The following KCNQ1 variants were observed in gnomAD, a reference collection of about 807,000 sequenced individuals.
The protein encoded by KCNQ1 is potassium voltage-gated channel subfamily KQT member 1.
In KCNQ1, 49 loss-of-function variants were observed where a neutral mutation model predicts 72.4. The ratio of observed to expected loss-of-function variants is 0.68; its 90% confidence interval spans 0.54 to 0.86. The LOEUF (loss-of-function observed/expected upper bound fraction) is 0.86. KCNQ1 is among the 40% of genes least tolerant of loss of function. KCNQ1 has a pLI of 0.00. For synonymous variants in KCNQ1, 450 were observed against 412.6 expected, an observed-to-expected ratio of 1.09 and a Z score of -1.10; for missense variants, 790 against 945.1, an observed-to-expected ratio of 0.84 and a Z score of 2.15.
chr11:2,533,724 C>T (rs1260842579), intron 2 of KCNQ1, among the ~76,000 whole-genome samples: 3 of 152,250 alleles, frequency 2.0e-5, no homozygotes, highest in African/African-American at 7.2e-5. Flanking sequence ...AAGCCAGCTG[C>T]TGCTAGAAAC....
chr11:2,811,564 G>A (rs1847486031), intron 15 of KCNQ1, among the ~76,000 whole-genome samples: 1 of 152,244 alleles, frequency 6.6e-6, no homozygotes, highest in African/African-American at 2.4e-5. Context: ...ACAAGCCCAG[G>A]CGGGGCCCTT....
At chr11:2,517,586 G>C (rs993742365) in intron 1 of KCNQ1, among the ~76,000 whole-genome samples, 14 of 152,200 alleles carry the variant, frequency 9.2e-5, no homozygotes, top group Non-Finnish European at 1.3e-4. Context: ...ATGTGGCGTG[G>C]CAACCAGGTG....
rs1846291111 is a variant in KCNQ1, at chr11:2,462,344, C to T, written c.386+16860C>T. ...TAGGGCCACCCCCTCTGACTTGCCT[C>T]CTCCTCCTTCTGACTTGCCTCCTCT... On this transcript the variant is annotated intron_variant, in intron 1 of 15. Coordinates refer to ENST00000155840, the MANE Select transcript of KCNQ1 (RefSeq NM_000218.3). This position sits in a 1 kb window ranked among gnomAD's most constrained non-coding sequence, Gnocchi z 8.2. Among the ~76,000 whole-genome samples the T allele has an allele frequency of 6.6e-6, 1 of 152,070 alleles. No homozygotes were observed. Among genetic ancestry groups the T allele is most frequent in the Non-Finnish European group, 1.5e-5 (1 of 67,914 alleles).
At position 2,478,101 on chromosome 11, in the gene KCNQ1, T is replaced by C. The variant is rs1846598909; in HGVS notation, c.386+32617T>C. Among the ~76,000 whole-genome samples the C allele has an allele frequency of 6.6e-6, 1 of 152,098 alleles. No homozygotes were observed. The highest frequency in any genetic ancestry group is 1.5e-5 in the Non-Finnish European group (1 of 68,028). Reference sequence around the variant, plus strand: ...CAGGCCAGCTTCACCACCCTCCGGATGGACAGCCTCGGTAGCAGAACTCCT... The same window carrying C: ...CAGGCCAGCTTCACCACCCTCCGGACGGACAGCCTCGGTAGCAGAACTCCT... On this transcript the variant is annotated intron_variant, in intron 1 of 15. Transcript: ENST00000155840. The surrounding 1 kb of genome is among the most constrained non-coding windows in gnomAD (Gnocchi z 4.0).
At position 2,534,167 on chromosome 11, in the gene KCNQ1, C is replaced by G. The variant is rs150501943; in HGVS notation, c.477+6149C>G. On this transcript the variant is annotated intron_variant, in intron 2 of 15. Coordinates refer to ENST00000155840, the MANE Select transcript of KCNQ1 (RefSeq NM_000218.3). ...CAAAGTGAGACCCTGTAGGGAGTCT[C>G]TGGGCCTCCGTGACGGCCCTGGGCG... Among the ~76,000 whole-genome samples, 984 of 152,310 alleles carry G rather than the reference C, an allele frequency of 6.5e-3. 32 individuals are homozygous for G. The highest frequency in any genetic ancestry group is 0.043 in the Admixed American group (654 of 15,310).
chr11:2,834,674 G>A (rs546111500), intron 15 of KCNQ1, among the ~76,000 whole-genome samples: 2 of 152,272 alleles, frequency 1.3e-5, no homozygotes, highest in South Asian at 2.1e-4. Flanking sequence ...TCAGGGCCCC[G>A]CCAGGTGAAG....
chr11:2,616,850 G>T (rs1849073610), intron 10 of KCNQ1: 2 of 398,258 alleles, frequency 5.0e-6, no homozygotes, highest in East Asian at 7.1e-5. Context: ...TGAGAAGAAT[G>T]TGTAGTTGGG....
intron 1 of KCNQ1, among the ~76,000 whole-genome samples, chr11:2,499,482 G>A (rs1846973226): frequency 6.6e-6 from 1 of 151,562 alleles, no homozygotes; most frequent in African/African-American, 2.4e-5. Flanking sequence ...ATGTAAATGG[G>A]CTAACCTTGC....
At position 2,656,319 on chromosome 11, in the gene KCNQ1, C is replaced by T; in HGVS notation, c.1394-5642C>T. 5 of 398,680 alleles carry T rather than the reference C, an allele frequency of 1.3e-5. No individual in the cohort carries two copies. In the Admixed American group the frequency reaches 1.8e-4, roughly 14 times the overall value. 24.7% of individuals were successfully genotyped at this position (398,680 alleles called of 1,614,324 possible). On this transcript the variant is annotated intron_variant, in intron 10 of 15. Transcript: ENST00000155840. Reference sequence around the variant, plus strand: ...GGCAGTAACATGCTTCTGCCAGGTCCCAGACCTGTGGGTCTCCAAATCTGC... The same window carrying T: ...GGCAGTAACATGCTTCTGCCAGGTCTCAGACCTGTGGGTCTCCAAATCTGC...
At position 2,595,317 on chromosome 11, in the gene KCNQ1, C is replaced by A. The variant is rs1398979369; in HGVS notation, c.1393+6463C>A. Among the ~76,000 whole-genome samples, 2 of 152,118 alleles carry A rather than the reference C, an allele frequency of 1.3e-5. No individual in the cohort carries two copies. On this transcript the variant is annotated intron_variant, in intron 10 of 15. Coordinates refer to ENST00000155840, the MANE Select transcript of KCNQ1 (RefSeq NM_000218.3). The surrounding 1 kb of genome is among the most constrained non-coding windows in gnomAD (Gnocchi z 5.0). ...CAAGATTAATATGCAAAAATCAATT[C>A]CATTCATATATTCTTGCAGCAAATA...
Position 2,677,684 on chromosome 11 carries a change from T to C in KCNQ1, c.1514+15603T>C, listed in dbSNP as rs1344405265. 1 of 398,524 alleles carries C rather than the reference T, an allele frequency of 2.5e-6. No homozygotes were observed. Among genetic ancestry groups the C allele is most frequent in the African/African-American group, 2.1e-5 (1 of 48,650 alleles). The allele number at this position is 398,524 out of a possible 1,614,324, so 24.7% of individuals were successfully genotyped here. On this transcript the variant is annotated intron_variant, in intron 11 of 15. Coordinates refer to ENST00000155840, the MANE Select transcript of KCNQ1 (RefSeq NM_000218.3). The surrounding 1 kb of genome is among the most constrained non-coding windows in gnomAD (Gnocchi z 4.5). ...TGAGATAAAATAATATTTTAACTACTGTTATTTTTCAAATTAACTTCCCAA... is the reference window on the plus strand; with the variant it reads ...TGAGATAAAATAATATTTTAACTACCGTTATTTTTCAAATTAACTTCCCAA...
intron 10 of KCNQ1, among the ~76,000 whole-genome samples, chr11:2,590,752 C>T (rs1024381): frequency 0.18 from 27,412 of 152,208 alleles, 3,186 homozygotes; most frequent in African/African-American, 0.3. Flanking sequence ...AGGGCCTGCT[C>T]CCCACTCTCT....
intron 1 of KCNQ1, among the ~76,000 whole-genome samples, chr11:2,527,076 A>G (rs1286288177): frequency 1.3e-5 from 2 of 152,116 alleles, no homozygotes; most frequent in African/African-American, 4.8e-5. Context: ...GCAGCTCCCT[A>G]TCTTTATGGT....
At chr11:2,800,114 C>G (rs912741513) in intron 15 of KCNQ1, among the ~76,000 whole-genome samples, 4 of 152,214 alleles carry the variant, frequency 2.6e-5, no homozygotes, top group Admixed American at 6.5e-5. Flanking sequence ...GTCCACAGTT[C>G]CCAGGGCTCT....
At chr11:2,681,855 A>G in intron 11 of KCNQ1, 1 of 398,572 alleles carries the variant, frequency 2.5e-6, no homozygotes, top group Non-Finnish European at 4.4e-6. Flanking sequence ...AAGGTACTCC[A>G]AAGGAGGCCC....
intron 1 of KCNQ1, among the ~76,000 whole-genome samples, chr11:2,480,748 T>C (rs182641918): frequency 6.6e-6 from 1 of 152,320 alleles, no homozygotes; most frequent in Non-Finnish European, 1.5e-5. Context: ...TAGAGACCTG[T>C]AGTGTGCATG....
chr11:2,583,995 T>G (rs1310093446), intron 7 of KCNQ1, among the ~76,000 whole-genome samples: 2 of 152,176 alleles, frequency 1.3e-5, no homozygotes, highest in Non-Finnish European at 2.9e-5. Context: ...GGTGTGTGTG[T>G]GTGTGTTATG....
rs886626658 is a variant in KCNQ1 at position 2,588,153 on chromosome 11, G to C, written c.1251+461G>C. Among the ~76,000 whole-genome samples, 1 of 152,102 alleles carries C rather than the reference G, an allele frequency of 6.6e-6. No individual in the cohort carries two copies. Among genetic ancestry groups the C allele is most frequent in the African/African-American group, 2.4e-5 (1 of 41,394 alleles). ...AGTGGAGTTTGGCAGGCGCTGGGCA[G>C]AAGTCTTGTGACATGGCTGGGGTCA... On this transcript the variant is annotated intron_variant, in intron 9 of 15. Coordinates refer to ENST00000155840, the MANE Select transcript of KCNQ1 (RefSeq NM_000218.3). The surrounding 1 kb of genome is among the most constrained non-coding windows in gnomAD (Gnocchi z 5.6).
At position 2,457,031 on chromosome 11, in the gene KCNQ1, G is replaced by A. The variant is rs962148183; in HGVS notation, c.386+11547G>A. On this transcript the variant is annotated intron_variant, in intron 1 of 15. Coordinates refer to ENST00000155840, the MANE Select transcript of KCNQ1 (RefSeq NM_000218.3). The surrounding 1 kb of genome is among the most constrained non-coding windows in gnomAD (Gnocchi z 5.0). ...TTCTTAAAAAGAAGACATACAAACAGTCAAACACATGAAAAAATGCTCATC... is the reference window on the plus strand; with the variant it reads ...TTCTTAAAAAGAAGACATACAAACAATCAAACACATGAAAAAATGCTCATC... Among the ~76,000 whole-genome samples, 1 of 151,444 alleles carries A rather than the reference G, an allele frequency of 6.6e-6. No individual in the cohort carries two copies. The highest frequency in any genetic ancestry group is 2.4e-5 in the African/African-American group (1 of 41,194).
Sources: gnomAD v4.1 joint callset for allele counts (sites outside exome capture counted in the v4.1 genomes callset) on GRCh38, gnomAD v4.1.1 for gene constraint, Gnocchi (gnomAD v3.1) non-coding constraint, MANE v1.5 for transcripts, NCBI Gene and HGNC (gene_info 2026-07-23, HGNC 2026-07-21) for gene names.